Variants in CLDN16 observed in about 807,000 individuals in gnomAD.
CLDN16 encodes the protein claudin-16.
In CLDN16, 13 loss-of-function variants were observed where a neutral mutation model predicts 24.6. That is an observed-to-expected ratio of 0.53 (90% CI 0.34 to 0.84). The LOEUF is 0.84. Ranked by LOEUF, CLDN16 falls within the 40% of genes least tolerant of loss-of-function variation. The pLI, the probability that CLDN16 is intolerant of heterozygous loss-of-function variation, is 0.01. For synonymous variants in CLDN16, 116 were observed against 106.7 expected, an observed-to-expected ratio of 1.09 and a Z score of -0.54; for missense variants, 298 against 292.7, an observed-to-expected ratio of 1.02 and a Z score of -0.13.
At position 190,409,955 on chromosome 3, in the gene CLDN16, C is replaced by T. The variant is rs745542693; in HGVS notation, c.627C>T (p.Ala209=). 5.0e-6 allele frequency: 8 copies of T among 1,613,890 alleles called. No individual in the cohort carries two copies. Among genetic ancestry groups the T allele is most frequent in the East Asian group, 2.2e-5 (1 of 44,864 alleles). The change falls in exon 5 of 5, where the codon GCC becomes GCT. Residue 209 remains alanine (A), a synonymous_variant. Transcript: ENST00000264734. The stretch of plus-strand genomic sequence containing the variant: ...ATTCCTTGAGGAAAGCCTATTCAGC[C>T]GCGGGTGTTTCCATGGCCAAGTCAT... ...YPYSLRKAYS[A]AGVSMAKSYS...
chr3:190,366,367 C>A (rs1163974652), intron 1 of CLDN16, among the ~76,000 whole-genome samples: 3 of 151,862 alleles, frequency 2.0e-5, no homozygotes, highest in Admixed American at 1.3e-4. Flanking sequence ...ATGAGTAATC[C>A]ATCTACTCCA....
chr3:190,371,279 C>T (rs970919475), intron 2 of CLDN16, among the ~76,000 whole-genome samples: 1 of 151,364 alleles, frequency 6.6e-6, no homozygotes, highest in Non-Finnish European at 1.5e-5. Context: ...CTGACTAATA[C>T]AACAGTTAAA....
chr3:190,392,065 T>C (rs1718693091), intron 1 of CLDN16, among the ~76,000 whole-genome samples: 1 of 150,284 alleles, frequency 6.7e-6, no homozygotes. Flanking sequence ...CAGTCTTTTT[T>C]TTTTTTTTTT....
At chr3:190,310,338 G>A in the CLDN16 span, 3 of 1,032,412 alleles carry the variant, frequency 2.9e-6, no homozygotes, top group Non-Finnish European at 4.5e-6. Flanking sequence ...AACATATTTT[G>A]CAAGAATTAA....
the CLDN16 span, chr3:190,308,355 A>C: frequency 1.6e-5 from 26 of 1,613,718 alleles, 1 homozygote; most frequent in Non-Finnish European, 2.2e-5. Context: ...TTTTTCGGGG[A>C]CAGGAACAGC....
chr3:190,297,591 CT>C, the CLDN16 span, among the ~76,000 whole-genome samples: 8,761 of 131,114 alleles, frequency 0.067, 343 homozygotes, highest in Middle Eastern at 0.11. Flanking sequence ...TAATATATAT[CT>C]ATATAATATA....
intron 2 of CLDN16, among the ~76,000 whole-genome samples, chr3:190,403,770 A>C (rs1219926192): frequency 6.6e-6 from 1 of 152,166 alleles, no homozygotes; most frequent in African/African-American, 2.4e-5. Flanking sequence ...GTTAAAAAGG[A>C]TTTTCTTAAT....
At chr3:190,409,685 AAT>A (rs1211308810) in intron 4 of CLDN16, among the ~76,000 whole-genome samples, 1 of 152,102 alleles carries the variant, frequency 6.6e-6, no homozygotes, top group Non-Finnish European at 1.5e-5. Flanking sequence ...AGAAAAAAAA[AAT>A]AACAGGAAAT....
upstream of CLDN16, among the ~76,000 whole-genome samples, chr3:190,318,677 A>T (rs1716834126): frequency 6.6e-6 from 1 of 152,222 alleles, no homozygotes; most frequent in Non-Finnish European, 1.5e-5. Context: ...CCATTATTCT[A>T]AGAGTCAGAA....
At chr3:190,350,709 G>A (rs1343483652) in intron 1 of CLDN16, among the ~76,000 whole-genome samples, 1 of 152,088 alleles carries the variant, frequency 6.6e-6, no homozygotes, top group African/African-American at 2.4e-5. Flanking sequence ...CTATTACTGT[G>A]TTTGGGTTCA....
rs1719234295 is a variant in CLDN16, at chr3:190,410,035, A to G, written c.707A>G (p.Ter236=). 2.5e-6 allele frequency: 4 copies of G among 1,614,144 alleles called. No homozygotes were observed. Among genetic ancestry groups the G allele is most frequent in the South Asian group, 2.2e-5 (2 of 91,086 alleles). ...ATGTATGCTGTAGACACAAGGGTGTAAAATGCACGTTTCAGGGTGTGTTTG... is the reference window on the plus strand; with the variant it reads ...ATGTATGCTGTAGACACAAGGGTGTGAAATGCACGTTTCAGGGTGTGTTTG... ...AKMYAVDTRV[*] is the part of the protein sequence containing the mutation. The change falls in exon 5 of 5, where the codon TAA becomes TGA. Residue 236 remains the stop codon, a stop_retained_variant. Transcript: ENST00000264734.
the CLDN16 span, among the ~76,000 whole-genome samples, chr3:190,300,414 C>T: frequency 1.3e-5 from 2 of 152,136 alleles, no homozygotes; most frequent in African/African-American, 4.8e-5. Flanking sequence ...CACAATTCTC[C>T]TGCTTTCCTA....
the CLDN16 span, among the ~76,000 whole-genome samples, chr3:190,294,302 C>G: frequency 6.6e-6 from 1 of 152,106 alleles, no homozygotes; most frequent in Non-Finnish European, 1.5e-5. Flanking sequence ...ATTTAAGCTG[C>G]TAGTATTAAA....
At chr3:190,388,470 G>A (rs1346125694) in intron 1 of CLDN16, 27 bp downstream of exon 1, 8 of 1,608,860 alleles carry the variant, frequency 5.0e-6, no homozygotes, top group Admixed American at 3.3e-5. Flanking sequence ...TTCTTTTCAT[G>A]ATCCAGGCCA....
At chr3:190,341,248 G>A (rs1370259592) in intron 1 of CLDN16, among the ~76,000 whole-genome samples, 2 of 152,198 alleles carry the variant, frequency 1.3e-5, no homozygotes, top group Non-Finnish European at 2.9e-5. Flanking sequence ...CACTGCCCTA[G>A]CAGAGGTTCT....
chr3:190,363,556 G>GTGTGTATATA (rs1301414615), intron 1 of CLDN16, among the ~76,000 whole-genome samples: 1 of 87,430 alleles, frequency 1.1e-5, no homozygotes, highest in African/African-American at 4.7e-5. Context: ...GTGTGTGTGT[G>GTGTGTATATA]TATATATATA....
At chr3:190,372,318 C>T (rs147118537) in intron 2 of CLDN16, among the ~76,000 whole-genome samples, 108 of 151,978 alleles carry the variant, frequency 7.1e-4, no homozygotes, top group African/African-American at 2.5e-3. Flanking sequence ...GTTCTCTGAA[C>T]TCCAGTTTCC....
chr3:190,336,825 G>T (rs976347210), intron 1 of CLDN16, among the ~76,000 whole-genome samples: 10 of 152,180 alleles, frequency 6.6e-5, no homozygotes, highest in Middle Eastern at 3.2e-3. Context: ...AGAACTGGAC[G>T]CTGGCAGTCC....
Position 190,410,201 on chromosome 3 carries a change from T to A in CLDN16, c.*165T>A. ...ATTCTCCTATACTTTTTCTTTCTATTACTCTTATATTTTCCCGTCATTCTC... is the reference window on the plus strand; with the variant it reads ...ATTCTCCTATACTTTTTCTTTCTATAACTCTTATATTTTCCCGTCATTCTC... On this transcript the variant is annotated 3_prime_UTR_variant, in exon 5 of 5. Coordinates refer to ENST00000264734, the MANE Select transcript of CLDN16 (RefSeq NM_006580.4). 1 of 770,518 alleles carries A rather than the reference T, an allele frequency of 1.3e-6. No individual in the cohort carries two copies. Among genetic ancestry groups the A allele is most frequent in the Non-Finnish European group, 2.1e-6 (1 of 465,860 alleles). The allele number at this position is 770,518 out of a possible 1,614,324, so 47.7% of individuals were successfully genotyped here.
Sources: gnomAD v4.1 joint callset for allele counts (sites outside exome capture counted in the v4.1 genomes callset) on GRCh38, gnomAD v4.1.1 for gene constraint, MANE v1.5 for transcripts, NCBI Gene and HGNC (gene_info 2026-07-23, HGNC 2026-07-21) for gene names.